The following TRPC6 variants were observed in gnomAD, a reference collection of about 807,000 sequenced individuals.
TRPC6 encodes the protein short transient receptor potential channel 6.
In TRPC6, 55 loss-of-function variants were observed where a neutral mutation model predicts 90.7. That is an observed-to-expected ratio of 0.61 (90% CI 0.49 to 0.76). TRPC6 has a LOEUF of 0.76. Ranked by LOEUF, TRPC6 falls within the 30% of genes least tolerant of loss-of-function variation. The pLI is 0.00. For synonymous variants in TRPC6, 393 were observed against 393.0 expected, an observed-to-expected ratio of 1.00 and a Z score of 0.00; for missense variants, 989 against 1,122.7, an observed-to-expected ratio of 0.88 and a Z score of 1.70.
rs545250071 is a variant in TRPC6 at position 101,457,207 on chromosome 11, A to G, written c.2485-2106T>C. Among the ~76,000 whole-genome samples the G allele has an allele frequency of 5.3e-5, 8 of 152,280 alleles. No individual in the cohort carries two copies. The East Asian group carries it at 9.7e-4, about 18-fold the overall frequency. On this transcript the variant is annotated intron_variant, in intron 10 of 12. Transcript: ENST00000344327. ...GGGAAGCTTGTTGACTACAAGCAAGAAGGACTGGATGCAAGCTTTGTTCCT... is the reference window on the plus strand; with the variant it reads ...GGGAAGCTTGTTGACTACAAGCAAGGAGGACTGGATGCAAGCTTTGTTCCT...
chr11:101,453,207 T>TTTTA (rs1858803928), intron 12 of TRPC6, 101 bp from the exon 13 acceptor site: 1 of 1,177,288 alleles, frequency 8.5e-7, no homozygotes, highest in Non-Finnish European at 1.3e-6. Flanking sequence ...TCACACACAA[T>TTTTA]TTTATTTTGA....
chr11:101,583,409 A>G lies in TRPC6; in HGVS notation c.95T>C (p.Leu32Pro). ...AARRNESQDY[L>P]LMDSELGEDG... ...TTCTCCCAGCTCCGAGTCCATGAGC[A>G]GATAGTCCTGGCTCTCGTTGCGCCG... The change falls in exon 1 of 13, where the codon CTG becomes CCG. Residue 32 changes from leucine to proline, a missense_variant. By Grantham distance (98) the Leu-to-Pro change is moderately conservative. Coordinates refer to ENST00000344327, the MANE Select transcript of TRPC6 (RefSeq NM_004621.6). The G allele has an allele frequency of 1.3e-6, 2 of 1,583,722 alleles. No homozygotes were observed. Among genetic ancestry groups the G allele is most frequent in the Non-Finnish European group, 1.7e-6 (2 of 1,164,688 alleles).
chr11:101,548,396 AATAT>A (rs1449437152), intron 1 of TRPC6, among the ~76,000 whole-genome samples: 2 of 118,514 alleles, frequency 1.7e-5, no homozygotes, highest in Non-Finnish European at 1.8e-5. Context: ...TATTATGTAT[AATAT>A]ATAATTATAT....
intron 10 of TRPC6, among the ~76,000 whole-genome samples, chr11:101,468,940 C>T (rs1303145228): frequency 6.6e-6 from 1 of 152,146 alleles, no homozygotes; most frequent in Non-Finnish European, 1.5e-5. Flanking sequence ...GAGGATTTTG[C>T]TACTCTCAGT....
chr11:101,468,297 C>A (rs1859199297), intron 10 of TRPC6, among the ~76,000 whole-genome samples: 1 of 152,178 alleles, frequency 6.6e-6, no homozygotes, highest in Non-Finnish European at 1.5e-5. Context: ...ACCTAAAGCT[C>A]TCCTTTGTTT....
At chr11:101,523,547 T>C (rs1438889800) in intron 1 of TRPC6, among the ~76,000 whole-genome samples, 1 of 152,200 alleles carries the variant, frequency 6.6e-6, no homozygotes, top group East Asian at 1.9e-4. Context: ...AAAATATAGA[T>C]TACACTAAAC....
chr11:101,492,780 G>A (rs1174053228), intron 2 of TRPC6, among the ~76,000 whole-genome samples: 1 of 152,156 alleles, frequency 6.6e-6, no homozygotes, highest in East Asian at 1.9e-4. Context: ...GAGGAGCATA[G>A]AACATTTGGA....
At chr11:101,506,008 T>C (rs1168462942) in intron 1 of TRPC6, among the ~76,000 whole-genome samples, 2 of 122,314 alleles carry the variant, frequency 1.6e-5, no homozygotes, top group Non-Finnish European at 1.7e-5. Context: ...CAAGATCCTA[T>C]ATCAAAGAAA....
At position 101,491,687 on chromosome 11, in the gene TRPC6, G is replaced by A; in HGVS notation, c.997C>T (p.Leu333Phe). The A allele has an allele frequency of 1.2e-6, 2 of 1,613,972 alleles. No homozygotes were observed. Among genetic ancestry groups the A allele is most frequent in the Non-Finnish European group, 1.7e-6 (2 of 1,179,996 alleles). Residue 333 changes from leucine (L) to phenylalanine (F), a missense_variant, in exon 3 of 13, where the codon CTT becomes TTT. Coordinates refer to ENST00000344327, the MANE Select transcript of TRPC6 (RefSeq NM_004621.6). ...MQCKDFVVGL[L>F]DLCRNTEEVE... ...TCTTCAGTGTTTCTGCACAGATCAA[G>A]GAGTCCAACAACAAAGTCTTTGCAC...
intron 1 of TRPC6, among the ~76,000 whole-genome samples, chr11:101,578,107 A>G (rs1024554143): frequency 6.6e-6 from 1 of 152,192 alleles, no homozygotes; most frequent in Admixed American, 6.5e-5. Context: ...TCTGCTAGGC[A>G]CTGTGTTAAG....
At chr11:101,507,943 A>G (rs1860312093) in intron 1 of TRPC6, among the ~76,000 whole-genome samples, 1 of 151,450 alleles carries the variant, frequency 6.6e-6, no homozygotes, top group South Asian at 2.1e-4. Context: ...TTGTCCTTTA[A>G]TTTTCTTATC....
At chr11:101,525,345 C>A (rs987806736) in intron 1 of TRPC6, among the ~76,000 whole-genome samples, 2 of 152,102 alleles carry the variant, frequency 1.3e-5, no homozygotes, top group Non-Finnish European at 2.9e-5. Flanking sequence ...AACATAAATA[C>A]CAACTGTGTG....
intron 1 of TRPC6, among the ~76,000 whole-genome samples, chr11:101,550,355 GA>G (rs1455683347): frequency 6.6e-6 from 1 of 151,506 alleles, no homozygotes; most frequent in Non-Finnish European, 1.5e-5. Flanking sequence ...ATAAGCTATG[GA>G]TGTAAAATCA....
intron 1 of TRPC6, among the ~76,000 whole-genome samples, chr11:101,555,707 G>C (rs1861547431): frequency 6.6e-6 from 1 of 152,064 alleles, no homozygotes; most frequent in Non-Finnish European, 1.5e-5. Flanking sequence ...TGTTTATGGT[G>C]GACTGTACCA....
rs963442572 is a variant in TRPC6, at chr11:101,477,809, T to C, written c.1511-1275A>G. ...TCTGGCACTTGGAAAAAAGTATGAC[T>C]AACATTTATTGAGTGCTTACTATTT... is the stretch of plus-strand genomic sequence containing the variant. On this transcript the variant is annotated intron_variant, in intron 5 of 12. Coordinates refer to ENST00000344327, the MANE Select transcript of TRPC6 (RefSeq NM_004621.6). Among the ~76,000 whole-genome samples, 6 of 152,240 alleles carry C rather than the reference T, an allele frequency of 3.9e-5. No individual in the cohort carries two copies. The South Asian group carries it at 1.2e-3, about 31-fold the overall frequency.
chr11:101,560,202 T>TC (rs1861682927), intron 1 of TRPC6, among the ~76,000 whole-genome samples: 1 of 152,130 alleles, frequency 6.6e-6, no homozygotes, highest in Non-Finnish European at 1.5e-5. Flanking sequence ...AAATGATTAG[T>TC]CTGTGGGTGA....
At chr11:101,559,130 T>G (rs1861654379) in intron 1 of TRPC6, among the ~76,000 whole-genome samples, 1 of 152,062 alleles carries the variant, frequency 6.6e-6, no homozygotes, top group Admixed American at 6.6e-5. Context: ...GGGGTTAATA[T>G]CCACACTATA....
chr11:101,455,645 A>G (rs1209964910), intron 10 of TRPC6: 1 of 152,626 alleles, frequency 6.6e-6, no homozygotes, highest in Non-Finnish European at 1.5e-5. Flanking sequence ...TCAAATTAAA[A>G]TACATTAACC....
At chr11:101,488,757 A>T (rs1234383081) in intron 4 of TRPC6, among the ~76,000 whole-genome samples, 180 bp downstream of exon 4, 1 of 152,150 alleles carries the variant, frequency 6.6e-6, no homozygotes, top group African/African-American at 2.4e-5. Context: ...TTACTTTTTG[A>T]TAATAAAAGC....
Sources: allele counts gnomAD v4.1 joint callset (sites outside exome capture counted in the v4.1 genomes callset), GRCh38; gene constraint gnomAD v4.1.1; transcripts MANE v1.5; gene names NCBI Gene and HGNC (gene_info 2026-07-23, HGNC 2026-07-21).